NSG1: variants seen among roughly 807,000 people sequenced by gnomAD.
NSG1 encodes the protein neuronal vesicle trafficking-associated protein 1.
A neutral mutation model predicts 19.3 loss-of-function variants in NSG1; 9 were observed. That is an observed-to-expected ratio of 0.47 (90% CI 0.28 to 0.81). The LOEUF (loss-of-function observed/expected upper bound fraction) is 0.81, where lower values mean the gene tolerates loss of function less well. Among genes scored for constraint, NSG1 ranks in the 40% least tolerant of loss-of-function variants. NSG1 has a pLI of 0.11. For missense variants in NSG1, 236 were observed against 242.4 expected (o/e 0.97, Z 0.18); for synonymous variants, 104 against 107.0 (o/e 0.97, Z 0.17).
chr4:4,393,831 T>G (rs958638291), intron 3 of NSG1, among the ~76,000 whole-genome samples: 1 of 152,116 alleles, frequency 6.6e-6, no homozygotes, highest in Non-Finnish European at 1.5e-5. Flanking sequence ...ATGGGACGCC[T>G]GCTGCTTCCC....
chr4:4,409,507 G>T lies in NSG1; in HGVS notation c.247-66G>T, dbSNP rs11932742. On this transcript the variant is annotated intron_variant, in intron 3 of 4. Coordinates refer to ENST00000621129, the MANE Select transcript of NSG1 (RefSeq NM_014392.5). The stretch of plus-strand genomic sequence containing the variant: ...GCTGTGTGGGGGGGGGCCTTCGTGT[G>T]CGGGTGTGTGTGTGTCTGTCCTGCT... 5.1e-3 allele frequency: 6,048 copies of T among 1,176,082 alleles called. 219 individuals carry two copies. In the African/African-American group the frequency reaches 0.079, roughly 15 times the overall value. 72.9% of individuals were successfully genotyped at this position (1,176,082 alleles called of 1,614,324 possible).
In NSG1 at chr4:4,417,359, T is replaced by C. The variant is rs1724624802; in HGVS notation, c.482T>C (p.Val161Ala). The change falls in exon 5 of 5, where the codon GTA becomes GCA. Residue 161 changes from valine (V) to alanine (A), a missense_variant. Coordinates refer to ENST00000621129, the MANE Select transcript of NSG1 (RefSeq NM_014392.5). ...GCCAAGCAGAGCATCACGCGCTCCG[T>C]ATCGCCCTGGATGTCAGTTCTGTCA... ...NLAKQSITRS[V>A]SPWMSVLSEE... The C allele has an allele frequency of 6.2e-7, 1 of 1,614,078 alleles. No homozygotes were observed. Among genetic ancestry groups the C allele is most frequent in the African/African-American group, 1.3e-5 (1 of 74,932 alleles).
At chr4:4,396,142 C>G (rs764539040) in intron 3 of NSG1, among the ~76,000 whole-genome samples, 3 of 152,248 alleles carry the variant, frequency 2.0e-5, no homozygotes. Flanking sequence ...AGAATAAACA[C>G]TGGCTGAGAT....
At chr4:4,417,067 CCT>C (rs1175823052) in intron 4 of NSG1, among the ~76,000 whole-genome samples, 166 bp from the exon 5 acceptor site, 1 of 152,168 alleles carries the variant, frequency 6.6e-6, no homozygotes, top group Non-Finnish European at 1.5e-5. Context: ...CCAGGCTTCC[CCT>C]GTGCTGTGCT....
Position 4,417,317 on chromosome 4 carries a change from T to G in NSG1, c.440T>G (p.Ile147Arg). The G allele has an allele frequency of 1.2e-6, 2 of 1,614,100 alleles. No homozygotes were observed. The highest frequency in any genetic ancestry group is 1.7e-6 in the Non-Finnish European group (2 of 1,180,022). Reference sequence around the variant, plus strand: ...GCCCGGGAGAAATTTTACACAGTCATAAACCACTACAACCTGGCCAAGCAG... The same window carrying G: ...GCCCGGGAGAAATTTTACACAGTCAGAAACCACTACAACCTGGCCAAGCAG... The part of the protein sequence containing the change: ...SSAREKFYTV[I>R]NHYNLAKQSI... Residue 147 changes from isoleucine (I) to arginine (R), a missense_variant, in exon 5 of 5, where the codon ATA becomes AGA. By Grantham distance (97) the Ile-to-Arg change is moderately conservative. Transcript: ENST00000621129.
In NSG1 at chr4:4,402,897, G is replaced by A. The variant is rs942923130; in HGVS notation, c.247-6676G>A. The stretch of plus-strand genomic sequence containing the variant: ...GACACTGTCTATCAACCCACGGGGC[G>A]TGGATGGAAGAGCTGCCCTGGATCT... On this transcript the variant is annotated intron_variant, in intron 3 of 4. Coordinates refer to ENST00000621129, the MANE Select transcript of NSG1 (RefSeq NM_014392.5). Among the ~76,000 whole-genome samples the A allele has an allele frequency of 7.9e-4, 120 of 152,372 alleles. 6 individuals are homozygous for A. Among genetic ancestry groups the A allele is most frequent in the Middle Eastern group, 3.4e-3 (1 of 294 alleles).
At chr4:4,399,170 TCTCA>T (rs994757362) in intron 3 of NSG1, among the ~76,000 whole-genome samples, 55 of 152,270 alleles carry the variant, frequency 3.6e-4, no homozygotes, top group African/African-American at 1.3e-3. Context: ...TGAGACAGGG[TCTCA>T]CTCTGTCGCC....
At chr4:4,390,928 G>A (rs1722957068) in intron 2 of NSG1, among the ~76,000 whole-genome samples, 1 of 152,026 alleles carries the variant, frequency 6.6e-6, no homozygotes, top group Non-Finnish European at 1.5e-5. Flanking sequence ...CTGTGGCAGG[G>A]GCAGGGGGAG....
intron 4 of NSG1, chr4:4,415,987 G>C (rs1324156868): frequency 1.5e-6 from 1 of 660,882 alleles, no homozygotes; most frequent in Non-Finnish European, 2.7e-6. Context: ...GTGGGACTGA[G>C]ATCAAGACGC....
chr4:4,409,698 TC>T lies in NSG1; in HGVS notation c.357+20del, dbSNP rs1560146689. On this transcript the variant is annotated intron_variant, in intron 4 of 4. Coordinates refer to ENST00000621129, the MANE Select transcript of NSG1 (RefSeq NM_014392.5). ...TCGTCCTCAAGGTAAAACTCCGTTT[TC>T]CCCCAGAGGCCCTGGGACGCCTTTG... The T allele has an allele frequency of 6.2e-7, 1 of 1,600,344 alleles. No homozygotes were observed. Among genetic ancestry groups the T allele is most frequent in the South Asian group, 1.1e-5 (1 of 90,796 alleles).
chr4:4,398,189 G>T (rs574015310), intron 3 of NSG1, among the ~76,000 whole-genome samples: 1 of 152,106 alleles, frequency 6.6e-6, no homozygotes, highest in Non-Finnish European at 1.5e-5. Flanking sequence ...TCCTGACCTC[G>T]TGATCCACCT....
At chr4:4,396,735 C>T (rs1387057605) in intron 3 of NSG1, among the ~76,000 whole-genome samples, 1 of 128,114 alleles carries the variant, frequency 7.8e-6, no homozygotes. Flanking sequence ...CCCTAATGAC[C>T]TTGAGCTTCC....
chr4:4,416,250 G>A lies in NSG1; in HGVS notation c.358-985G>A, dbSNP rs143942583. ...AAAGCTTCCCTTCTCCTGTAGCGCC[G>A]CCCTCCTGCCAGTGGCAGCCCCTGA... On this transcript the variant is annotated intron_variant, in intron 4 of 4. Transcript: ENST00000621129. 1.2e-3 allele frequency: 856 copies of A among 700,808 alleles called. 2 individuals carry two copies. The African/African-American group carries it at 0.013, about 11-fold the overall frequency. The allele number at this position is 700,808 out of a possible 1,614,324, so 43.4% of individuals were successfully genotyped here.
At chr4:4,408,993 A>G (rs761431792) in intron 3 of NSG1, among the ~76,000 whole-genome samples, 1 of 152,272 alleles carries the variant, frequency 6.6e-6, no homozygotes, top group Non-Finnish European at 1.5e-5. Context: ...ACCATGGTGA[A>G]GAAAACCGAA....
intron 4 of NSG1, among the ~76,000 whole-genome samples, chr4:4,413,137 C>T (rs1724310273): frequency 6.6e-6 from 1 of 152,106 alleles, no homozygotes; most frequent in African/African-American, 2.4e-5. Context: ...AGCCGAGAGC[C>T]AGTCAGGTAC....
chr4:4,409,260 C>T (rs1248018610), intron 3 of NSG1, among the ~76,000 whole-genome samples: 5 of 152,248 alleles, frequency 3.3e-5, no homozygotes, highest in Admixed American at 1.3e-4. Flanking sequence ...CTTAGTGGCC[C>T]GAGAGCTGCC....
At position 4,387,788 on chromosome 4, in the gene NSG1, C is replaced by T; in HGVS notation, c.129+30C>T. On this transcript the variant is annotated intron_variant, in intron 2 of 4. Coordinates refer to ENST00000621129, the MANE Select transcript of NSG1 (RefSeq NM_014392.5). ...GCCCCCCCACGCCCCTCCACGTTGC[C>T]GGGTGTGCACCCCCAAATCTCGCAC... 7 of 1,559,552 alleles carry T rather than the reference C, an allele frequency of 4.5e-6. No individual in the cohort carries two copies. The South Asian group carries it at 5.6e-5, about 13-fold the overall frequency.
chr4:4,409,053 C>T (rs918952639), intron 3 of NSG1, among the ~76,000 whole-genome samples: 3 of 152,380 alleles, frequency 2.0e-5, no homozygotes, highest in South Asian at 2.1e-4. Context: ...CCGCCGAGGG[C>T]GAAGGCCAAT....
At position 4,391,596 on chromosome 4, in the gene NSG1, G is replaced by C; in HGVS notation, c.246+5G>C. On this transcript the variant is annotated splice_donor_5th_base_variant and intron_variant, in intron 3 of 4. Transcript: ENST00000621129. ...GGTGTCACCGAGAGGTTTAAGGTGA[G>C]TGGTCCTGTGCTGGGTGAGATGCTG... The C allele has an allele frequency of 6.3e-7, 1 of 1,587,402 alleles. No homozygotes were observed. The highest frequency in any genetic ancestry group is 8.6e-7 in the Non-Finnish European group (1 of 1,159,332).
Sources: gnomAD v4.1 joint callset for allele counts (sites outside exome capture counted in the v4.1 genomes callset) on GRCh38, gnomAD v4.1.1 for gene constraint, MANE v1.5 for transcripts, NCBI Gene and HGNC (gene_info 2026-07-23, HGNC 2026-07-21) for gene names.